Variants in CCDC146 observed in about 807,000 individuals in gnomAD.
CCDC146 encodes coiled-coil domain-containing protein 146.
In CCDC146, 92 loss-of-function variants were observed where a neutral mutation model predicts 119.3. The ratio of observed to expected loss-of-function variants is 0.77; its 90% CI spans 0.65 to 0.92. CCDC146 has a LOEUF of 0.92. Among genes scored for constraint, CCDC146 ranks in the 40% least tolerant of loss-of-function variants. CCDC146 has a pLI of 0.00. For synonymous variants in CCDC146, 372 were observed against 371.8 expected, an observed-to-expected ratio of 1.00 and a Z score of -0.01; for missense variants, 1,000 against 1,103.0, an observed-to-expected ratio of 0.91 and a Z score of 1.32.
At chr7:77,188,703 G>C (rs985015064) in intron 2 of CCDC146, among the ~76,000 whole-genome samples, 2 of 152,100 alleles carry the variant, frequency 1.3e-5, no homozygotes, top group African/African-American at 4.8e-5. Flanking sequence ...AAGTTTTGTA[G>C]AATACCATTG....
intron 1 of CCDC146, among the ~76,000 whole-genome samples, chr7:77,135,871 A>G (rs1331690253): frequency 6.6e-6 from 1 of 152,234 alleles, no homozygotes; most frequent in Non-Finnish European, 1.5e-5. Flanking sequence ...TAGCTATATT[A>G]ATTTCAAACA....
At chr7:77,200,480 G>A (rs1791967262) in intron 2 of CCDC146, among the ~76,000 whole-genome samples, 1 of 152,214 alleles carries the variant, frequency 6.6e-6, no homozygotes, top group Non-Finnish European at 1.5e-5. Flanking sequence ...CCATTTAAAA[G>A]GACATAATTG....
intron 2 of CCDC146, among the ~76,000 whole-genome samples, chr7:77,214,298 G>A (rs1338697097): frequency 6.6e-6 from 1 of 151,996 alleles, no homozygotes; most frequent in Non-Finnish European, 1.5e-5. Flanking sequence ...TTTTAATGAG[G>A]TTATTTGTTT....
At chr7:77,124,509 C>T (rs1243742368) in intron 1 of CCDC146, among the ~76,000 whole-genome samples, 1 of 152,190 alleles carries the variant, frequency 6.6e-6, no homozygotes, top group Non-Finnish European at 1.5e-5. Flanking sequence ...GAAACAGATT[C>T]AGAAACATTA....
At chr7:77,149,123 A>G (rs986146997) in intron 1 of CCDC146, among the ~76,000 whole-genome samples, 1 of 152,200 alleles carries the variant, frequency 6.6e-6, no homozygotes, top group African/African-American at 2.4e-5. Context: ...CTGGCACCAA[A>G]ACAGATATAT....
chr7:77,281,417 A>C (rs912510455), intron 14 of CCDC146, among the ~76,000 whole-genome samples: 1 of 152,236 alleles, frequency 6.6e-6, no homozygotes, highest in Admixed American at 6.5e-5. Flanking sequence ...TTATATCATT[A>C]ATCAATGTTT....
intron 14 of CCDC146, 96 bp downstream of exon 14, chr7:77,280,749 G>A: frequency 1.2e-6 from 1 of 829,174 alleles, no homozygotes; most frequent in South Asian, 1.8e-5. Context: ...TGAGGGAAAT[G>A]TGATATTCAG....
chr7:77,292,103 C>T (rs1405017335), intron 17 of CCDC146, among the ~76,000 whole-genome samples: 1 of 151,692 alleles, frequency 6.6e-6, no homozygotes, highest in Non-Finnish European at 1.5e-5. Context: ...CAAAACTAGC[C>T]TTGTCAACAC....
At chr7:77,146,714 C>T (rs1441534621) in intron 1 of CCDC146, among the ~76,000 whole-genome samples, 4 of 152,164 alleles carry the variant, frequency 2.6e-5, no homozygotes. Context: ...AAATAATTTT[C>T]TTTAAGAATG....
chr7:77,284,879 A>G (rs1421034491), intron 15 of CCDC146, among the ~76,000 whole-genome samples: 4 of 151,850 alleles, frequency 2.6e-5, no homozygotes, highest in Non-Finnish European at 5.9e-5. Context: ...GAAGGATATG[A>G]TGTGAAATTT....
intron 2 of CCDC146, chr7:77,194,618 C>A (rs186386348): frequency 4.9e-4 from 74 of 152,138 alleles, no homozygotes; most frequent in African/African-American, 1.7e-3. Context: ...AAGCAACTAT[C>A]CTCCTTAATC....
chr7:77,206,992 CTT>C (rs1486406337), intron 2 of CCDC146, among the ~76,000 whole-genome samples: 2 of 151,790 alleles, frequency 1.3e-5, no homozygotes, highest in African/African-American at 4.8e-5. Flanking sequence ...CTTTGAAATT[CTT>C]TTTTTTAAAG....
At chr7:77,267,698 C>T (rs987697442) in intron 9 of CCDC146, among the ~76,000 whole-genome samples, 2 of 152,092 alleles carry the variant, frequency 1.3e-5, no homozygotes, top group Non-Finnish European at 2.9e-5. Context: ...GTGCCTGAGC[C>T]ATGTGATATT....
chr7:77,281,058 G>A (rs1018173500), intron 14 of CCDC146, among the ~76,000 whole-genome samples: 139 of 150,700 alleles, frequency 9.2e-4, no homozygotes, highest in African/African-American at 3.3e-3. Context: ...AGCTGAGATC[G>A]TGCCACTGCA....
At chr7:77,267,860 G>A (rs1793437512) in intron 9 of CCDC146, among the ~76,000 whole-genome samples, 1 of 152,036 alleles carries the variant, frequency 6.6e-6, no homozygotes, top group South Asian at 2.1e-4. Context: ...CACATTTGAT[G>A]GCCTATTCAT....
rs181128875 is a variant in CCDC146, at chr7:77,262,597, C to G, written c.1173+290C>G. 1.2e-4 allele frequency among the ~76,000 whole-genome samples: 18 copies of G among 152,282 alleles called. No individual in the cohort carries two copies. The East Asian group carries it at 3.5e-3, about 29-fold the overall frequency. On this transcript the variant is annotated intron_variant, in intron 9 of 18. Transcript: ENST00000285871. ...CCAGTTCTAGAAGAGCTAGAGGGTTCACTGCAGAATGGGGCCAAGTGGATC... is the reference window on the plus strand; with the variant it reads ...CCAGTTCTAGAAGAGCTAGAGGGTTGACTGCAGAATGGGGCCAAGTGGATC...
At position 77,242,630 on chromosome 7, in the gene CCDC146, T is replaced by G. The variant is rs1223402618; in HGVS notation, c.449+730T>G. On this transcript the variant is annotated intron_variant, in intron 4 of 18. Transcript: ENST00000285871. ...AGATTGAATTTGAAAATGATTGCAA[T>G]TCAAGTTTTCTGCTGTGGTGTGCTG... Among the ~76,000 whole-genome samples the G allele has an allele frequency of 2.0e-5, 3 of 152,202 alleles. 1 individual carries two copies. The highest frequency in any genetic ancestry group is 7.2e-5 in the African/African-American group (3 of 41,450).
chr7:77,188,047 A>G (rs1264088378), intron 2 of CCDC146, among the ~76,000 whole-genome samples: 1 of 152,152 alleles, frequency 6.6e-6, no homozygotes, highest in Non-Finnish European at 1.5e-5. Context: ...TTTTAGTACT[A>G]GTTTCTGTAC....
chr7:77,201,699 C>T (rs907955067), intron 2 of CCDC146, among the ~76,000 whole-genome samples: 1 of 151,622 alleles, frequency 6.6e-6, no homozygotes, highest in East Asian at 1.9e-4. Flanking sequence ...CTTCCATCTT[C>T]ATATAGCTCT....
Sources: allele counts gnomAD v4.1 joint callset (sites outside exome capture counted in the v4.1 genomes callset), GRCh38; gene constraint gnomAD v4.1.1; transcripts MANE v1.5; gene names NCBI Gene and HGNC (gene_info 2026-07-23, HGNC 2026-07-21).